The following RBFOX1 variants were observed in gnomAD, a reference collection of about 807,000 sequenced individuals.
RBFOX1 encodes the protein RNA binding fox-1 homolog 1.
RBFOX1 carries 8 observed loss-of-function variants against 57.7 expected under a neutral mutation model. That is an observed-to-expected ratio of 0.14 (90% CI 0.08 to 0.25). RBFOX1 has a LOEUF of 0.25. RBFOX1 is among the 10% of genes least tolerant of loss of function. RBFOX1 has a pLI of 1.00. For missense variants in RBFOX1, 611 were observed against 548.5 expected, an observed-to-expected ratio of 1.11 and a Z score of -1.14; for synonymous variants, 326 against 222.4, an observed-to-expected ratio of 1.47 and a Z score of -4.15.
intron 3 of RBFOX1, among the ~76,000 whole-genome samples, chr16:5,639,247 C>T (rs73529724): frequency 0.036 from 5,416 of 152,218 alleles, 327 homozygotes; most frequent in African/African-American, 0.12. Flanking sequence ...AGGGAATGCC[C>T]CCACTAATTG....
chr16:5,757,040 C>T (rs1180771868), intron 3 of RBFOX1, among the ~76,000 whole-genome samples: 1 of 152,096 alleles, frequency 6.6e-6, no homozygotes, highest in Non-Finnish European at 1.5e-5. Context: ...TTCTGGTTGG[C>T]AAAGGATGGG....
intron 3 of RBFOX1, among the ~76,000 whole-genome samples, chr16:7,021,191 C>T (rs147619203): frequency 5.7e-4 from 87 of 152,068 alleles, no homozygotes; most frequent in African/African-American, 1.8e-3. Flanking sequence ...GGAAACTTGT[C>T]TCTTCTCAGT....
At chr16:5,307,957 C>T (rs537670635) in intron 1 of RBFOX1, among the ~76,000 whole-genome samples, 5 of 152,188 alleles carry the variant, frequency 3.3e-5, no homozygotes, top group African/African-American at 1.2e-4. Context: ...AAATTACAAG[C>T]TTGAACCACC....
chr16:7,698,401 C>A (rs764449886), intron 14 of RBFOX1, among the ~76,000 whole-genome samples: 9 of 151,896 alleles, frequency 5.9e-5, no homozygotes, highest in Non-Finnish European at 1.3e-4. Context: ...AGCAAATGAA[C>A]AATCTGCAAA....
chr16:7,499,729 A>C (rs2070020324), intron 4 of RBFOX1, among the ~76,000 whole-genome samples: 1 of 152,114 alleles, frequency 6.6e-6, no homozygotes, highest in Non-Finnish European at 1.5e-5. Flanking sequence ...ACATATATTA[A>C]GGCTTTCATT....
chr16:5,707,753 G>A (rs541608961), intron 3 of RBFOX1, among the ~76,000 whole-genome samples: 1 of 152,254 alleles, frequency 6.6e-6, no homozygotes, highest in African/African-American at 2.4e-5. Context: ...TGGGTTCCTT[G>A]GGGATTAGGA....
At chr16:5,601,563 G>T (rs2047365159), downstream of RBFOX1, 1 of 152,150 alleles carries the variant, frequency 6.6e-6, no homozygotes, top group Admixed American at 6.5e-5. Context: ...CTGGAGGAGG[G>T]ATCATGCGGC....
chr16:6,969,486 G>C (rs1452159956), intron 3 of RBFOX1, among the ~76,000 whole-genome samples: 3 of 152,082 alleles, frequency 2.0e-5, no homozygotes, highest in African/African-American at 4.8e-5. Context: ...TGTAATCCCA[G>C]CACTTCAGGA....
chr16:6,989,596 C>A (rs2091056587), intron 3 of RBFOX1, among the ~76,000 whole-genome samples: 1 of 151,974 alleles, frequency 6.6e-6, no homozygotes, highest in Non-Finnish European at 1.5e-5. Context: ...GAGAATGCAA[C>A]CATTTAAGAG....
intron 3 of RBFOX1, among the ~76,000 whole-genome samples, chr16:6,707,140 C>G (rs748562727): frequency 6.7e-4 from 102 of 152,088 alleles, no homozygotes; most frequent in Non-Finnish European, 1.2e-3. Flanking sequence ...GATGTGATTT[C>G]TATTTGCAAA....
intron 4 of RBFOX1, among the ~76,000 whole-genome samples, chr16:5,956,697 C>G (rs1287427402): frequency 8.6e-6 from 1 of 115,746 alleles, no homozygotes; most frequent in Non-Finnish European, 1.7e-5. Flanking sequence ...GAGGCACAGT[C>G]TCATCCTGTC....
intron 2 of RBFOX1, among the ~76,000 whole-genome samples, chr16:5,567,059 C>T (rs534993457): frequency 6.6e-6 from 1 of 152,264 alleles, no homozygotes; most frequent in East Asian, 1.9e-4. Context: ...GGTCCTAAGC[C>T]TCACAATTAG....
chr16:6,326,024 G>A (rs1251209726), intron 2 of RBFOX1, among the ~76,000 whole-genome samples: 1 of 151,874 alleles, frequency 6.6e-6, no homozygotes, highest in East Asian at 1.9e-4. Flanking sequence ...GTGCGTGAGT[G>A]TGTGTGTGTG....
intron 2 of RBFOX1, among the ~76,000 whole-genome samples, chr16:6,535,545 G>A (rs78050023): frequency 0.021 from 3,134 of 152,208 alleles, 119 homozygotes; most frequent in African/African-American, 0.071. Flanking sequence ...AGGTTTATTC[G>A]TCAGTGTATC....
intron 4 of RBFOX1, among the ~76,000 whole-genome samples, chr16:7,382,044 G>A (rs1012279538): frequency 2.0e-5 from 3 of 152,202 alleles, no homozygotes; most frequent in Admixed American, 6.5e-5. Context: ...TTTTCTTGTA[G>A]CATTTATAAA....
intron 4 of RBFOX1, among the ~76,000 whole-genome samples, chr16:7,092,164 A>G (rs191771372): frequency 6.6e-6 from 1 of 152,224 alleles, no homozygotes; most frequent in Admixed American, 6.5e-5. Flanking sequence ...CTCAATTTGA[A>G]TATAGCATTG....
chr16:6,661,876 AT>A (rs1568103211), intron 3 of RBFOX1, among the ~76,000 whole-genome samples: 1 of 152,212 alleles, frequency 6.6e-6, no homozygotes, highest in African/African-American at 2.4e-5. Context: ...ACTGTTGTGC[AT>A]AATGGCTATA....
chr16:5,430,712 C>A (rs936736142), intron 1 of RBFOX1, among the ~76,000 whole-genome samples: 8 of 152,216 alleles, frequency 5.3e-5, no homozygotes, highest in African/African-American at 1.9e-4. Context: ...TATAAACTTC[C>A]TGCTGCGCCA....
intron 3 of RBFOX1, among the ~76,000 whole-genome samples, chr16:5,709,745 T>C (rs1259823743): frequency 1.4e-5 from 2 of 140,546 alleles, no homozygotes; most frequent in African/African-American, 5.3e-5. Flanking sequence ...TTCAATGAGA[T>C]CTTTACACCA....
Sources: allele counts gnomAD v4.1 joint callset (sites outside exome capture counted in the v4.1 genomes callset), GRCh38; gene constraint gnomAD v4.1.1; transcripts MANE v1.5; gene names NCBI Gene and HGNC (gene_info 2026-07-23, HGNC 2026-07-21).